SCAF4: variants seen among roughly 807,000 people sequenced by gnomAD.
The protein encoded by SCAF4 is SR-related and CTD-associated factor 4.
Under a neutral mutation model 129.8 loss-of-function variants are expected in SCAF4, and 25 were observed. The observed-to-expected ratio is 0.19, with a 90% CI of 0.14 to 0.27. The LOEUF is 0.27. Among genes scored for constraint, SCAF4 ranks in the 10% least tolerant of loss-of-function variants. The pLI is 1.00. For missense variants in SCAF4, 1,246 were observed against 1,457.1 expected (o/e 0.86, Z 2.36); for synonymous variants, 551 against 497.7 (o/e 1.11, Z -1.43).
intron 16 of SCAF4, among the ~76,000 whole-genome samples, chr21:31,686,430 C>T (rs66836452): frequency 0.23 from 34,701 of 151,936 alleles, 5,613 homozygotes; most frequent in East Asian, 0.52. Context: ...TGGAGCCAAA[C>T]TGTCTGCTTC....
At chr21:31,698,354 C>T (rs2050438485) in intron 7 of SCAF4, among the ~76,000 whole-genome samples, 1 of 152,120 alleles carries the variant, frequency 6.6e-6, no homozygotes, top group South Asian at 2.1e-4. Context: ...AGGTTAAATA[C>T]TAGAGGAATT....
chr21:31,707,490 A>T (rs1726177639), intron 1 of SCAF4, among the ~76,000 whole-genome samples: 1 of 152,148 alleles, frequency 6.6e-6, no homozygotes, highest in Non-Finnish European at 1.5e-5. Flanking sequence ...TAGAGTCCAT[A>T]GAGGGTTATA....
At chr21:31,684,084 A>G (rs2050058422) in intron 19 of SCAF4, 1 of 153,664 alleles carries the variant, frequency 6.5e-6, no homozygotes, top group African/African-American at 2.4e-5. Flanking sequence ...GTGAAAAGTA[A>G]AAGTCCTCCA....
At chr21:31,721,911 G>A (rs1341725578) in intron 1 of SCAF4, among the ~76,000 whole-genome samples, 2 of 151,736 alleles carry the variant, frequency 1.3e-5, no homozygotes, top group Non-Finnish European at 2.9e-5. Context: ...GTACAGACAG[G>A]GTTTCTCAAT....
chr21:31,717,904 TACACACACACACACACAC>T (rs35191665), intron 1 of SCAF4, among the ~76,000 whole-genome samples: 185 of 117,988 alleles, frequency 1.6e-3, no homozygotes, highest in Non-Finnish European at 9.4e-4. Context: ...TACACATATA[TACACACACACACACACAC>T]ACACACACAC....
Position 31,732,055 on chromosome 21 carries a change from T to C in SCAF4, c.-363A>G, listed in dbSNP as rs982252961. On this transcript the variant is annotated 5_prime_UTR_variant, in exon 1 of 20. Transcript: ENST00000286835. ...GGCCCGGCCGGCGAGCGGGCGGGCC[T>C]CTCTCTCCCTCTCTCCAGCGGGATG... 1.2e-5 allele frequency: 5 copies of C among 422,384 alleles called. No individual in the cohort carries two copies. The highest frequency in any genetic ancestry group is 2.1e-5 in the African/African-American group (1 of 48,244). 26.2% of individuals were successfully genotyped at this position (422,384 alleles called of 1,614,324 possible).
rs73201505 is a variant in SCAF4, at chr21:31,672,065, G to A, written c.2778C>T (p.Gly926=). ...VRPGGMPGLG[G]PGPGPGGPED... is the part of the protein sequence containing the mutation. ...CAGGACCCCCTGGGCCTGGCCCTGGGCCCCCGAGCCCTGGCATTCCACCAG... is the reference window on the plus strand; with the variant it reads ...CAGGACCCCCTGGGCCTGGCCCTGGACCCCCGAGCCCTGGCATTCCACCAG... The change falls in exon 20 of 20, where the codon GGC becomes GGT. Residue 926 remains glycine (G), a synonymous_variant. Transcript: ENST00000286835. 29,791 of 1,613,242 alleles carry A rather than the reference G, an allele frequency of 0.018. 335 individuals carry two copies. Among genetic ancestry groups the A allele is most frequent in the Non-Finnish European group, 0.022 (25,359 of 1,179,462 alleles).
chr21:31,713,087 T>C (rs774686350), intron 1 of SCAF4, among the ~76,000 whole-genome samples: 3 of 152,236 alleles, frequency 2.0e-5, no homozygotes, highest in South Asian at 4.1e-4. Flanking sequence ...AACTTGTTAG[T>C]TGTAAATGAT....
Position 31,671,577 on chromosome 21 carries a change from C to T in SCAF4, c.3266G>A (p.Gly1089Asp). Reference protein sequence around the residue: ...EKPEVTDRAGGNKTVEPPISQ... With the variant: ...EKPEVTDRAGDNKTVEPPISQ... ...AATGGGAGGTTCAACGGTTTTGTTA[C>T]CACCTGCCCTGTCTGTCACCTCAGG... The change falls in exon 20 of 20, where the codon GGT becomes GAT. Residue 1089 changes from glycine (G) to aspartate (D), a missense_variant. Physicochemically the swap from Gly to Asp is moderately conservative, Grantham distance 94 (BLOSUM62 -1). Transcript: ENST00000286835. The T allele has an allele frequency of 6.2e-7, 1 of 1,614,150 alleles. No individual in the cohort carries two copies. Among genetic ancestry groups the T allele is most frequent in the Non-Finnish European group, 8.5e-7 (1 of 1,179,994 alleles).
chr21:31,696,844 G>T, intron 7 of SCAF4, 94 bp from the exon 8 acceptor site: 1 of 1,054,106 alleles, frequency 9.5e-7, no homozygotes, highest in African/African-American at 1.6e-5. Context: ...CCACCATCTA[G>T]AAACCCACAT....
chr21:31,706,803 C>G (rs528865574), intron 1 of SCAF4: 1 of 226,348 alleles, frequency 4.4e-6, no homozygotes, highest in East Asian at 1.5e-4. Flanking sequence ...CTGCAGAAAA[C>G]GGAGAAACTA....
chr21:31,724,555 G>A (rs952301631), intron 1 of SCAF4, among the ~76,000 whole-genome samples: 21 of 152,140 alleles, frequency 1.4e-4, no homozygotes, highest in African/African-American at 5.1e-4. Flanking sequence ...CATTACTGAT[G>A]TAACATTTTT....
At chr21:31,707,435 A>C (rs1383570473) in intron 1 of SCAF4, among the ~76,000 whole-genome samples, 3 of 152,302 alleles carry the variant, frequency 2.0e-5, no homozygotes, top group Middle Eastern at 6.8e-3. Context: ...CTTCCATGAG[A>C]CTTAACCACA....
At chr21:31,673,777 GCA>G (rs2049777210) in intron 19 of SCAF4, among the ~76,000 whole-genome samples, 1 of 152,198 alleles carries the variant, frequency 6.6e-6, no homozygotes, top group South Asian at 2.1e-4. Flanking sequence ...ATATGCCCAG[GCA>G]CAGTCTCTTT....
chr21:31,686,231 A>AG lies in SCAF4; in HGVS notation c.2044-499dup, dbSNP rs200491574. Among the ~76,000 whole-genome samples, 956 of 150,594 alleles carry AG rather than the reference A, an allele frequency of 6.3e-3. 17 individuals are homozygous for AG. The highest frequency in any genetic ancestry group is 0.022 in the African/African-American group (910 of 40,724). ...AAAAAAAAAAAGAAAAAAAAAAAAA[A>AG]GGAAAGAAAGAAAGAAATCAAAGTT... On this transcript the variant is annotated intron_variant, in intron 16 of 19. Coordinates refer to ENST00000286835, the MANE Select transcript of SCAF4 (RefSeq NM_020706.2).
At chr21:31,685,858 T>C in intron 16 of SCAF4, 125 bp from the exon 17 acceptor site, 1 of 860,622 alleles carries the variant, frequency 1.2e-6, no homozygotes, top group Middle Eastern at 3.7e-4. Flanking sequence ...ATTAGACCAA[T>C]TTATTAAATA....
At chr21:31,674,314 T>C (rs1201806214) in intron 19 of SCAF4, among the ~76,000 whole-genome samples, 1 of 152,204 alleles carries the variant, frequency 6.6e-6, no homozygotes, top group African/African-American at 2.4e-5. Flanking sequence ...AAAGCACAAT[T>C]TTTATAAAGA....
intron 1 of SCAF4, among the ~76,000 whole-genome samples, chr21:31,725,629 G>T (rs1258961054): frequency 6.6e-6 from 1 of 152,188 alleles, no homozygotes; most frequent in East Asian, 1.9e-4. Flanking sequence ...ACCTCTGAGA[G>T]GTCTTTGAGT....
chr21:31,714,655 G>C (rs1370479260), intron 1 of SCAF4, among the ~76,000 whole-genome samples: 1 of 152,084 alleles, frequency 6.6e-6, no homozygotes, highest in Non-Finnish European at 1.5e-5. Flanking sequence ...CAATGTTTAG[G>C]GATTAGTCAA....
Sources: allele counts gnomAD v4.1 joint callset (sites outside exome capture counted in the v4.1 genomes callset), GRCh38; gene constraint gnomAD v4.1.1; transcripts MANE v1.5; gene names NCBI Gene and HGNC (gene_info 2026-07-23, HGNC 2026-07-21).